TAX1BP1: variants seen among roughly 807,000 people sequenced by gnomAD.
TAX1BP1 encodes tax1-binding protein 1.
In TAX1BP1, 62 loss-of-function variants were observed where a neutral mutation model predicts 97.7. The ratio of observed to expected loss-of-function variants is 0.63; its 90% CI spans 0.52 to 0.78. The LOEUF (loss-of-function observed/expected upper bound fraction) is 0.78. Ranked by LOEUF, TAX1BP1 falls within the 30% of genes least tolerant of loss-of-function variation. The pLI, the probability that TAX1BP1 is intolerant of heterozygous loss-of-function variation, is 0.00. For missense variants in TAX1BP1, 867 were observed against 916.1 expected (o/e 0.95, Z 0.69); for synonymous variants, 340 against 304.2 (o/e 1.12, Z -1.23).
At chr7:27,769,420 G>A (rs972402430) in intron 4 of TAX1BP1, among the ~76,000 whole-genome samples, 1 of 151,828 alleles carries the variant, frequency 6.6e-6, no homozygotes, top group African/African-American at 2.4e-5. Context: ...ATGATTAGCA[G>A]CCAACTTCAT....
At position 27,828,864 on chromosome 7, in the gene TAX1BP1, T is replaced by TTAAAA; in HGVS notation, c.*35_*36insTAAAA. On this transcript the variant is annotated 3_prime_UTR_variant, in exon 17 of 17. Transcript: ENST00000396319. ...ATTATGAGTTAATATAGTTTAGCAG[T>TTAAAA]AAAAAAAAAAAAAAAAACCACACCT... The TTAAAA allele has an allele frequency of 3.0e-6, 3 of 988,536 alleles. No homozygotes were observed. The highest frequency in any genetic ancestry group is 2.8e-6 in the Non-Finnish European group (2 of 705,080). The allele number at this position is 988,536 out of a possible 1,614,324, so 61.2% of individuals were successfully genotyped here. A position where few individuals can be genotyped will look rare whatever the true frequency, so the allele number is the denominator to read the frequency against.
intron 10 of TAX1BP1, among the ~76,000 whole-genome samples, chr7:27,794,012 A>G (rs1041932416): frequency 6.6e-6 from 1 of 152,198 alleles, no homozygotes; most frequent in African/African-American, 2.4e-5. Context: ...ACATGTATGA[A>G]TTTGGCCTGG....
chr7:27,788,118 A>T lies in TAX1BP1; in HGVS notation c.1038+515A>T, dbSNP rs1275000366. 3.5e-4 allele frequency among the ~76,000 whole-genome samples: 53 copies of T among 151,226 alleles called. No homozygotes were observed. In the East Asian group the frequency reaches 9.6e-3, roughly 27 times the overall value. ...TCCCTACACTTTTTATGACATTGAT[A>T]TTTTTGGAGAAGACAGGCTAGTCTG... is the stretch of plus-strand genomic sequence containing the variant. On this transcript the variant is annotated intron_variant, in intron 8 of 16. Coordinates refer to ENST00000396319, the MANE Select transcript of TAX1BP1 (RefSeq NM_006024.7).
intron 12 of TAX1BP1, among the ~76,000 whole-genome samples, chr7:27,798,646 A>G: frequency 6.8e-6 from 1 of 146,932 alleles, no homozygotes; most frequent in Non-Finnish European, 1.5e-5. Context: ...CCTGGGTGAC[A>G]GAGTGAGACT....
At chr7:27,783,294 T>A (rs1789335415) in intron 5 of TAX1BP1, among the ~76,000 whole-genome samples, 1 of 152,208 alleles carries the variant, frequency 6.6e-6, no homozygotes, top group Non-Finnish European at 1.5e-5. Flanking sequence ...TTAAAGTTAA[T>A]TTTTGAAAGC....
chr7:27,819,499 G>A (rs576600278), intron 15 of TAX1BP1, among the ~76,000 whole-genome samples: 4 of 152,228 alleles, frequency 2.6e-5, no homozygotes, highest in African/African-American at 9.6e-5. Context: ...AGATAAGATG[G>A]CATTGAAAGG....
At chr7:27,783,157 A>G (rs1232655362) in intron 5 of TAX1BP1, among the ~76,000 whole-genome samples, 1 of 152,168 alleles carries the variant, frequency 6.6e-6, no homozygotes, top group Non-Finnish European at 1.5e-5. Context: ...ATCGGCATAC[A>G]ATGTAGCAGG....
intron 13 of TAX1BP1, among the ~76,000 whole-genome samples, chr7:27,815,974 C>T (rs1288356969): frequency 6.6e-6 from 1 of 152,130 alleles, no homozygotes; most frequent in African/African-American, 2.4e-5. Flanking sequence ...GTGGAGGTTG[C>T]AGTGAGCCAA....
chr7:27,775,623 G>A (rs1325532576), intron 5 of TAX1BP1, among the ~76,000 whole-genome samples: 2 of 152,084 alleles, frequency 1.3e-5, no homozygotes, highest in Non-Finnish European at 2.9e-5. Context: ...AGCCATTTTT[G>A]TAGCTTATAC....
intron 5 of TAX1BP1, among the ~76,000 whole-genome samples, 163 bp downstream of exon 5, chr7:27,769,997 T>C (rs1788785479): frequency 6.6e-6 from 1 of 152,074 alleles, no homozygotes. Context: ...ATTAACCTTC[T>C]GCCACAGCTG....
At chr7:27,814,124 G>A (rs1286787443) in intron 13 of TAX1BP1, among the ~76,000 whole-genome samples, 2 of 148,100 alleles carry the variant, frequency 1.4e-5, no homozygotes, top group Non-Finnish European at 1.5e-5. Context: ...TTTTTGAATC[G>A]TGTTTGAAAT....
At chr7:27,784,445 ATT>A (rs1789389102) in intron 5 of TAX1BP1, among the ~76,000 whole-genome samples, 1 of 152,078 alleles carries the variant, frequency 6.6e-6, no homozygotes, top group Non-Finnish European at 1.5e-5. Context: ...GTCTTTGAAT[ATT>A]TGTTTAGGCC....
intron 14 of TAX1BP1, 45 bp downstream of exon 14, chr7:27,816,565 T>G (rs768510446): frequency 3.5e-6 from 5 of 1,445,678 alleles, no homozygotes; most frequent in Non-Finnish European, 3.7e-6. Flanking sequence ...ATCTGGAGAT[T>G]TTTTTATGGT....
Position 27,758,992 on chromosome 7 carries a change from G to GAA in TAX1BP1, c.265+867_265+868dup, listed in dbSNP as rs74313058. ...GTTTTTTAGCACAACTTAAAAACTTGAAAAAAAAATAACACTTATTCAGAG... is the reference window on the plus strand; with the variant it reads ...GTTTTTTAGCACAACTTAAAAACTTGAAAAAAAAAAATAACACTTATTCAGAG... On this transcript the variant is annotated intron_variant, in intron 3 of 16. Coordinates refer to ENST00000396319, the MANE Select transcript of TAX1BP1 (RefSeq NM_006024.7). 1.1e-4 allele frequency among the ~76,000 whole-genome samples: 17 copies of GAA among 150,252 alleles called. 1 individual carries two copies. The highest frequency in any genetic ancestry group is 3.4e-4 in the African/African-American group (14 of 40,874).
chr7:27,800,099 G>C lies in TAX1BP1; in HGVS notation c.1764+9G>C. The C allele has an allele frequency of 6.4e-7, 1 of 1,559,120 alleles. No homozygotes were observed. ...TACAGGACAATTATAAAGTAAGTTT[G>C]GTACTCCTTGTATGTAAACTTAAGG... On this transcript the variant is annotated intron_variant, in intron 13 of 16. Coordinates refer to ENST00000396319, the MANE Select transcript of TAX1BP1 (RefSeq NM_006024.7).
chr7:27,757,775 TATCCTTGAGAA>T lies in TAX1BP1; in HGVS notation c.163-253_163-243del, dbSNP rs376243789. ...TATTTGATCATATGGATAGTTAGATTATCCTTGAGAAATTGGATAGCAAATTGCATTTTAAT... is the reference window on the plus strand; with the variant it reads ...TATTTGATCATATGGATAGTTAGATTATTGGATAGCAAATTGCATTTTAAT... On this transcript the variant is annotated intron_variant, in intron 2 of 16. Coordinates refer to ENST00000396319, the MANE Select transcript of TAX1BP1 (RefSeq NM_006024.7). Among the ~76,000 whole-genome samples the T allele has an allele frequency of 1.1e-4, 17 of 152,196 alleles. No individual in the cohort carries two copies. In the East Asian group the frequency reaches 3.3e-3, roughly 29 times the overall value.
At chr7:27,800,284 G>A (rs906946241) in intron 13 of TAX1BP1, among the ~76,000 whole-genome samples, 194 bp downstream of exon 13, 2 of 152,138 alleles carry the variant, frequency 1.3e-5, no homozygotes, top group Non-Finnish European at 2.9e-5. Context: ...GATACCATTT[G>A]CATTGCTATT....
intron 13 of TAX1BP1, among the ~76,000 whole-genome samples, chr7:27,807,080 C>T (rs1382267287): frequency 6.6e-6 from 1 of 151,994 alleles, no homozygotes; most frequent in Non-Finnish European, 1.5e-5. Flanking sequence ...GGCTCTTGAA[C>T]TTTTTGTAGT....
intron 3 of TAX1BP1, 39 bp downstream of exon 3, chr7:27,758,172 G>C: frequency 1.4e-6 from 2 of 1,462,594 alleles, no homozygotes; most frequent in Non-Finnish European, 1.9e-6. Context: ...GAAACTAGAT[G>C]TCTTATTGCC....
Sources: allele counts gnomAD v4.1 joint callset (sites outside exome capture counted in the v4.1 genomes callset), GRCh38; gene constraint gnomAD v4.1.1; transcripts MANE v1.5; gene names NCBI Gene and HGNC (gene_info 2026-07-23, HGNC 2026-07-21).